Variants in ARRB1 observed in about 807,000 individuals in gnomAD.
ARRB1 encodes the protein beta-arrestin-1.
In ARRB1, 21 loss-of-function variants were observed where a neutral mutation model predicts 56.8. That is an observed-to-expected ratio of 0.37 (90% CI 0.26 to 0.53). The LOEUF is 0.53. ARRB1 is among the 20% of genes least tolerant of loss of function. The pLI is 0.88. For synonymous variants in ARRB1, 210 were observed against 218.6 expected (o/e 0.96, Z 0.35); for missense variants, 424 against 553.7 (o/e 0.77, Z 2.35).
At chr11:75,317,559 C>G (rs111846212) in intron 1 of ARRB1, among the ~76,000 whole-genome samples, 1,640 of 152,280 alleles carry the variant, frequency 0.011, 27 homozygotes, top group African/African-American at 0.038. Context: ...CTGCACTTTT[C>G]CCTCGGAGCA....
chr11:75,296,030 C>CA (rs1052467847), intron 1 of ARRB1, among the ~76,000 whole-genome samples: 22 of 151,656 alleles, frequency 1.5e-4, no homozygotes, highest in African/African-American at 5.3e-4. Context: ...ACTAAAAATA[C>CA]AAAAAATTAG....
chr11:75,308,156 G>A (rs935095513), intron 1 of ARRB1, among the ~76,000 whole-genome samples: 4 of 152,202 alleles, frequency 2.6e-5, no homozygotes, highest in Non-Finnish European at 4.4e-5. Flanking sequence ...TCCTACTCAC[G>A]GCAGCTCCAG....
chr11:75,267,945 A>G (rs1047479795), intron 14 of ARRB1, among the ~76,000 whole-genome samples: 2 of 152,154 alleles, frequency 1.3e-5, no homozygotes, highest in African/African-American at 4.8e-5. Flanking sequence ...AGAACAGAAA[A>G]TCCTCTAAAC....
chr11:75,306,714 C>A (rs1490483162), intron 1 of ARRB1: 2 of 1,233,800 alleles, frequency 1.6e-6, no homozygotes, highest in Non-Finnish European at 2.1e-6. Flanking sequence ...TCTCCCCAGC[C>A]CCAAGTGAGG....
intron 1 of ARRB1, among the ~76,000 whole-genome samples, chr11:75,303,852 G>A (rs900272498): frequency 6.6e-6 from 1 of 152,198 alleles, no homozygotes; most frequent in African/African-American, 2.4e-5. Flanking sequence ...GCTCCTGAGT[G>A]GATGCCACGG....
chr11:75,283,595 C>A (rs1297272759), intron 4 of ARRB1, 112 bp from the exon 5 acceptor site: 2 of 1,081,302 alleles, frequency 1.8e-6, no homozygotes, highest in Non-Finnish European at 2.6e-6. Flanking sequence ...AAGCCTGTCC[C>A]AAGCTCTGTG....
chr11:75,347,267 G>A (rs1947784609), intron 1 of ARRB1, among the ~76,000 whole-genome samples: 1 of 152,206 alleles, frequency 6.6e-6, no homozygotes, highest in African/African-American at 2.4e-5. Context: ...ACTCCCAGCG[G>A]CCCCATGAGC....
At chr11:75,271,859 C>A in intron 12 of ARRB1, 135 bp from the exon 13 acceptor site, 1 of 884,878 alleles carries the variant, frequency 1.1e-6, no homozygotes, top group Non-Finnish European at 1.7e-6. Flanking sequence ...CCACCCACCC[C>A]CCTGCACAGC....
At chr11:75,324,309 C>T (rs1019003375) in intron 1 of ARRB1, among the ~76,000 whole-genome samples, 1 of 152,216 alleles carries the variant, frequency 6.6e-6, no homozygotes, top group African/African-American at 2.4e-5. Context: ...TCCTTTACTG[C>T]TGGGACAGCG....
chr11:75,336,372 C>G (rs1947603082), intron 1 of ARRB1, among the ~76,000 whole-genome samples: 1 of 152,090 alleles, frequency 6.6e-6, no homozygotes. Flanking sequence ...CAGATGGCCC[C>G]ACCCCTACCT....
At chr11:75,267,759 G>C in intron 14 of ARRB1, 56 bp from the exon 15 acceptor site, 2 of 1,523,460 alleles carry the variant, frequency 1.3e-6, no homozygotes, top group Non-Finnish European at 1.8e-6. Flanking sequence ...GATGAGCACG[G>C]GGCGAGTAAG....
chr11:75,339,438 C>A (rs1947662433), intron 1 of ARRB1, among the ~76,000 whole-genome samples: 2 of 152,258 alleles, frequency 1.3e-5, no homozygotes, highest in East Asian at 1.9e-4. Flanking sequence ...ACACTCCTTA[C>A]TGACAGCAGA....
intron 1 of ARRB1, among the ~76,000 whole-genome samples, chr11:75,343,529 TCTTA>T (rs1947720561): frequency 6.6e-6 from 1 of 152,184 alleles, no homozygotes; most frequent in Admixed American, 6.5e-5. Flanking sequence ...CTTTGCTTTA[TCTTA>T]CTTAATTTTA....
At chr11:75,297,894 T>TAAAAAAAAAAAAAAAAAAAAAAAAAA (rs1554976703) in intron 1 of ARRB1, among the ~76,000 whole-genome samples, 1 of 66,098 alleles carries the variant, frequency 1.5e-5, no homozygotes. Flanking sequence ...AAAAAAAAAT[T>TAAAAAAAAAAAAAAAAAAAAAAAAAA]AAATGGACCA....
chr11:75,302,465 A>C (rs758078274), intron 1 of ARRB1, among the ~76,000 whole-genome samples: 5 of 152,262 alleles, frequency 3.3e-5, no homozygotes, highest in Non-Finnish European at 5.9e-5. Flanking sequence ...AAATTTCCCC[A>C]GGCGGGCTGG....
At chr11:75,319,681 T>C (rs1391481695) in intron 1 of ARRB1, among the ~76,000 whole-genome samples, 1 of 152,164 alleles carries the variant, frequency 6.6e-6, no homozygotes, top group Non-Finnish European at 1.5e-5. Context: ...GTGCTAAGGC[T>C]ACAAGGCCGA....
At chr11:75,267,613 G>T in intron 15 of ARRB1, 39 bp downstream of exon 15, 5 of 854,324 alleles carry the variant, frequency 5.9e-6, no homozygotes, top group Non-Finnish European at 7.4e-6. Context: ...GCCCACCCGC[G>T]GCCCACCCCC....
In ARRB1 at chr11:75,263,251, G is replaced by A. The variant is rs1945838379; in HGVS notation, c.*2912C>T. On this transcript the variant is annotated 3_prime_UTR_variant, in exon 16 of 16. Transcript: ENST00000420843. ...GGGCCCTGCAGAGAAGCACTGGCTC[G>A]GCCATGTTTGGGGGCTGGGAGGTGG... is the stretch of plus-strand genomic sequence containing the variant. Among the ~76,000 whole-genome samples, 1 of 152,226 alleles carries A rather than the reference G, an allele frequency of 6.6e-6. No individual in the cohort carries two copies. Among genetic ancestry groups the A allele is most frequent in the African/African-American group, 2.4e-5 (1 of 41,462 alleles).
chr11:75,284,181 C>A (rs532317089), intron 4 of ARRB1, 54 bp downstream of exon 4: 3 of 1,547,690 alleles, frequency 1.9e-6, no homozygotes, highest in African/African-American at 2.7e-5. Context: ...GCTAGAGGTC[C>A]GGGGGGAAGA....
Sources: gnomAD v4.1 joint callset for allele counts (sites outside exome capture counted in the v4.1 genomes callset) on GRCh38, gnomAD v4.1.1 for gene constraint, MANE v1.5 for transcripts, NCBI Gene and HGNC (gene_info 2026-07-23, HGNC 2026-07-21) for gene names.